Variants in TANGO6 observed in about 807,000 individuals in gnomAD.
TANGO6 encodes the protein transport and Golgi organization protein 6 homolog.
A neutral mutation model predicts 114.2 loss-of-function variants in TANGO6; 90 were observed. The ratio of observed to expected loss-of-function variants is 0.79; its 90% CI spans 0.66 to 0.94. The LOEUF (loss-of-function observed/expected upper bound fraction) is 0.94. TANGO6 is among the 40% of genes least tolerant of loss of function. The pLI is 0.00. For missense variants in TANGO6, 1,274 were observed against 1,315.3 expected, an observed-to-expected ratio of 0.97 and a Z score of 0.49; for synonymous variants, 477 against 509.8, an observed-to-expected ratio of 0.94 and a Z score of 0.87.
intron 17 of TANGO6, among the ~76,000 whole-genome samples, chr16:69,083,095 CTTTTTT>C (rs1201400628): frequency 8.3e-6 from 1 of 120,266 alleles, no homozygotes; most frequent in African/African-American, 3.4e-5. Context: ...GCATTATCTT[CTTTTTT>C]TTTTTTTTTT....
intron 1 of TANGO6, among the ~76,000 whole-genome samples, chr16:68,846,271 C>T (rs979276918): frequency 5.3e-5 from 8 of 152,124 alleles, no homozygotes; most frequent in Non-Finnish European, 1.2e-4. Context: ...GGTGATCTGC[C>T]TGCCTTGACC....
At chr16:69,036,003 A>G (rs1004244893) in intron 16 of TANGO6, 7 of 150,774 alleles carry the variant, frequency 4.6e-5, no homozygotes, top group Non-Finnish European at 8.8e-5. Flanking sequence ...CGAGCATGCC[A>G]CTGTACTCCA....
intron 14 of TANGO6, among the ~76,000 whole-genome samples, chr16:68,946,427 C>T (rs1432232712): frequency 1.3e-5 from 2 of 151,910 alleles, no homozygotes; most frequent in Non-Finnish European, 2.9e-5. Flanking sequence ...ATCTCTTGAC[C>T]TCGTGATCCG....
At chr16:68,917,919 ATTTT>A (rs542643969) in intron 11 of TANGO6, among the ~76,000 whole-genome samples, 1 of 137,438 alleles carries the variant, frequency 7.3e-6, no homozygotes, top group Non-Finnish European at 1.6e-5. Context: ...TGCCTGGCTA[ATTTT>A]TTTTTTTTTT....
Position 69,023,969 on chromosome 16 carries a change from G to A in TANGO6, c.2994+990G>A, listed in dbSNP as rs542993776. Among the ~76,000 whole-genome samples the A allele has an allele frequency of 1.2e-3, 175 of 148,574 alleles. 1 individual carries two copies. The highest frequency in any genetic ancestry group is 2.0e-3 in the Non-Finnish European group (134 of 66,978). On this transcript the variant is annotated intron_variant, in intron 16 of 17. Transcript: ENST00000261778. ...GTCACCCAGGCTGGAGTGCAGTGGC[G>A]CAATCGTGGCTCACTGCAACCTCCG... is the stretch of plus-strand genomic sequence containing the variant.
chr16:68,890,653 G>A (rs180948104), intron 7 of TANGO6, among the ~76,000 whole-genome samples: 335 of 152,236 alleles, frequency 2.2e-3, no homozygotes, highest in African/African-American at 7.0e-3. Flanking sequence ...GGGAGGCCAA[G>A]GTGGGCGGAT....
intron 1 of TANGO6, among the ~76,000 whole-genome samples, chr16:68,854,977 A>G (rs1343196978): frequency 1.3e-5 from 2 of 151,514 alleles, no homozygotes; most frequent in Non-Finnish European, 2.9e-5. Context: ...TTGACTTTAT[A>G]GATCAATTTG....
chr16:69,053,624 C>T (rs866336645), intron 17 of TANGO6, among the ~76,000 whole-genome samples: 16 of 152,152 alleles, frequency 1.1e-4, no homozygotes, highest in Admixed American at 2.0e-4. Flanking sequence ...ACAGAGCACT[C>T]AAAAGCTGAT....
At chr16:68,986,215 T>G (rs1963888421) in intron 15 of TANGO6, among the ~76,000 whole-genome samples, 1 of 152,180 alleles carries the variant, frequency 6.6e-6, no homozygotes. Flanking sequence ...ATAGCCAGAT[T>G]CATGTTGCTC....
At chr16:68,860,664 A>G in intron 2 of TANGO6, 140 bp downstream of exon 2, 1 of 1,149,332 alleles carries the variant, frequency 8.7e-7, no homozygotes, top group Middle Eastern at 3.0e-4. Context: ...GGATAAATGA[A>G]TCTTTTGGGG....
At chr16:68,905,888 C>T (rs1209978130) in intron 9 of TANGO6, among the ~76,000 whole-genome samples, 1 of 151,732 alleles carries the variant, frequency 6.6e-6, no homozygotes, top group African/African-American at 2.4e-5. Context: ...TAAAAAAGAA[C>T]AAAACAAAAA....
chr16:68,907,239 G>T (rs938395098), intron 9 of TANGO6, among the ~76,000 whole-genome samples: 7 of 151,740 alleles, frequency 4.6e-5, no homozygotes, highest in African/African-American at 1.5e-4. Flanking sequence ...GAGCCACCGC[G>T]CCTGGCCCAT....
At chr16:68,895,739 A>G (rs1225740995) in intron 7 of TANGO6, among the ~76,000 whole-genome samples, 2 of 152,216 alleles carry the variant, frequency 1.3e-5, no homozygotes, top group South Asian at 2.1e-4. Context: ...AATAAGTACC[A>G]TTGCATATCT....
chr16:68,881,249 C>T (rs564856502), intron 7 of TANGO6, among the ~76,000 whole-genome samples: 52 of 152,336 alleles, frequency 3.4e-4, no homozygotes, highest in African/African-American at 1.2e-3. Flanking sequence ...CATGGTGGCT[C>T]ACGCCTGTCA....
chr16:69,035,070 G>A (rs1164943941), intron 16 of TANGO6: 3 of 152,174 alleles, frequency 2.0e-5, no homozygotes, highest in Admixed American at 2.0e-4. Flanking sequence ...ATGGTGCCCA[G>A]AATTCCACAT....
intron 17 of TANGO6, among the ~76,000 whole-genome samples, chr16:69,050,851 G>T (rs185791926): frequency 1.2e-3 from 189 of 151,472 alleles, no homozygotes; most frequent in African/African-American, 4.3e-3. Context: ...TCTCAAACTC[G>T]TGGGCTCAAG....
intron 2 of TANGO6, 113 bp from the exon 3 acceptor site, chr16:68,862,832 G>A: frequency 1.3e-6 from 1 of 744,396 alleles, no homozygotes; most frequent in Non-Finnish European, 2.4e-6. Context: ...AGAGAGGATA[G>A]AAGCCTTCTT....
chr16:68,888,532 G>A (rs1962568896), intron 7 of TANGO6, among the ~76,000 whole-genome samples: 1 of 152,154 alleles, frequency 6.6e-6, no homozygotes, highest in South Asian at 2.1e-4. Context: ...TGTTAGGGTA[G>A]GAAAAACTGG....
chr16:68,980,073 C>T (rs1963809649), intron 15 of TANGO6, among the ~76,000 whole-genome samples: 1 of 151,848 alleles, frequency 6.6e-6, no homozygotes, highest in African/African-American at 2.4e-5. Flanking sequence ...GTCTCGAACT[C>T]CTGACCTCGT....
Sources: gnomAD v4.1 joint callset for allele counts (sites outside exome capture counted in the v4.1 genomes callset) on GRCh38, gnomAD v4.1.1 for gene constraint, MANE v1.5 for transcripts, NCBI Gene and HGNC (gene_info 2026-07-23, HGNC 2026-07-21) for gene names.